FER: variants seen among roughly 807,000 people sequenced by gnomAD.
FER encodes the protein FER tyrosine kinase.
In FER, 63 loss-of-function variants were observed where a neutral mutation model predicts 111.0. The observed-to-expected ratio is 0.57, with a 90% CI of 0.46 to 0.70. The LOEUF (loss-of-function observed/expected upper bound fraction) is 0.70. FER is among the 30% of genes least tolerant of loss of function. The probability of loss-of-function intolerance (pLI) is 0.00; values close to 1 mark genes in which losing one functional copy is unlikely to be tolerated. For synonymous variants in FER, 327 were observed against 313.9 expected (o/e 1.04, Z -0.44); for missense variants, 914 against 954.0 (o/e 0.96, Z 0.55).
chr5:108,990,499 A>T (rs1178770557), intron 13 of FER, among the ~76,000 whole-genome samples: 1 of 151,872 alleles, frequency 6.6e-6, no homozygotes, highest in Non-Finnish European at 1.5e-5. Context: ...CACTTAATAC[A>T]TTTCAAAGAA....
chr5:108,938,363 T>G (rs1228221288), intron 10 of FER, among the ~76,000 whole-genome samples: 1 of 152,022 alleles, frequency 6.6e-6, no homozygotes, highest in Non-Finnish European at 1.5e-5. Flanking sequence ...AAAAGTTGTT[T>G]TAGACATAGA....
chr5:109,131,974 A>G (rs114438958), intron 17 of FER, among the ~76,000 whole-genome samples: 7,128 of 152,226 alleles, frequency 0.047, 235 homozygotes, highest in South Asian at 0.086. Context: ...AATCTCATCT[A>G]TATGTTACCC....
chr5:108,959,227 C>T lies in FER; in HGVS notation c.1536C>T (p.Asn512=), dbSNP rs1316900592. The T allele has an allele frequency of 6.2e-7, 1 of 1,611,206 alleles. No individual in the cohort carries two copies. The highest frequency in any genetic ancestry group is 1.1e-5 in the South Asian group (1 of 90,834). Residue 512 remains asparagine, a splice_region_variant and synonymous_variant, in exon 13 of 20, where the codon AAC becomes AAT. Coordinates refer to ENST00000281092, the MANE Select transcript of FER (RefSeq NM_005246.4). The stretch of plus-strand genomic sequence containing the variant: ...CTACCTTATTGTTCTCTCTCCAGAA[C>T]ATGTATCGATTCGAGGGCACTGGGT... ...RRHFIIQYVD[N]MYRFEGTGFS... is the part of the protein sequence containing the mutation.
chr5:108,809,455 C>T (rs1307124684), intron 3 of FER, among the ~76,000 whole-genome samples: 2 of 152,180 alleles, frequency 1.3e-5, no homozygotes, highest in South Asian at 2.1e-4. Flanking sequence ...CTGATGTATT[C>T]CTTCATTGCC....
chr5:108,944,897 T>C (rs566578905), intron 10 of FER, among the ~76,000 whole-genome samples: 3 of 152,330 alleles, frequency 2.0e-5, no homozygotes, highest in South Asian at 2.1e-4. Context: ...CAATATGTTA[T>C]GCTTTGTAAC....
intron 11 of FER, among the ~76,000 whole-genome samples, chr5:108,952,051 G>A (rs1469348237): frequency 6.6e-6 from 1 of 151,852 alleles, no homozygotes; most frequent in Non-Finnish European, 1.5e-5. Flanking sequence ...CAAGATCTAG[G>A]GAAAATAACT....
chr5:109,023,731 A>C (rs1350561616), intron 13 of FER, among the ~76,000 whole-genome samples: 3 of 151,452 alleles, frequency 2.0e-5, no homozygotes, highest in Admixed American at 2.0e-4. Flanking sequence ...TGTTTCACTC[A>C]CCCTATCTAG....
chr5:108,792,310 A>G (rs970275118), intron 2 of FER, among the ~76,000 whole-genome samples: 57 of 152,230 alleles, frequency 3.7e-4, no homozygotes, highest in Admixed American at 1.2e-3. Context: ...ATCTGTGAAC[A>G]TGAATATTTC....
intron 13 of FER, among the ~76,000 whole-genome samples, chr5:109,007,020 T>G (rs1202874491): frequency 6.6e-6 from 1 of 152,166 alleles, no homozygotes; most frequent in Non-Finnish European, 1.5e-5. Flanking sequence ...TATTCTGATG[T>G]TGTTCAGAGG....
intron 13 of FER, among the ~76,000 whole-genome samples, chr5:108,967,228 A>G (rs979261683): frequency 1.3e-5 from 2 of 152,184 alleles, no homozygotes; most frequent in African/African-American, 2.4e-5. Context: ...ATAAGGATAC[A>G]CTGACAATTG....
At chr5:108,930,931 G>C (rs901170662) in intron 10 of FER, among the ~76,000 whole-genome samples, 3 of 151,914 alleles carry the variant, frequency 2.0e-5, no homozygotes, top group African/African-American at 7.3e-5. Context: ...TTAGTTCTAT[G>C]AATAATTTTG....
intron 13 of FER, among the ~76,000 whole-genome samples, chr5:108,998,574 G>T (rs574949759): frequency 1.3e-5 from 2 of 152,156 alleles, no homozygotes; most frequent in Non-Finnish European, 2.9e-5. Flanking sequence ...GACTGGAGCT[G>T]TTCCTATTTG....
chr5:108,827,459 C>A (rs1318218680), intron 3 of FER, among the ~76,000 whole-genome samples: 1 of 152,110 alleles, frequency 6.6e-6, no homozygotes. Context: ...TTCTTCCATT[C>A]TTTAGTATTT....
intron 13 of FER, among the ~76,000 whole-genome samples, chr5:109,008,669 A>G (rs1012436423): frequency 5.9e-5 from 9 of 151,850 alleles, no homozygotes; most frequent in Non-Finnish European, 1.0e-4. Context: ...TTCCTCAGCC[A>G]CTCCATCCTT....
At chr5:109,036,742 T>C (rs1770459401) in intron 13 of FER, among the ~76,000 whole-genome samples, 2 of 151,988 alleles carry the variant, frequency 1.3e-5, no homozygotes, top group Non-Finnish European at 2.9e-5. Flanking sequence ...TACATTATGG[T>C]ATTGTGGGAT....
chr5:108,845,007 T>TATAC lies in FER; in HGVS notation c.481+9203_481+9204insCATA, dbSNP rs1561502635. Among the ~76,000 whole-genome samples the TATAC allele has an allele frequency of 4.6e-4, 13 of 28,168 alleles. 1 individual carries two copies. Among genetic ancestry groups the TATAC allele is most frequent in the Admixed American group, 8.7e-4 (2 of 2,288 alleles). The allele number at this position is 28,168 out of a possible 152,430, so 18.5% of individuals were successfully genotyped here. A position where few individuals can be genotyped will look rare whatever the true frequency, so the allele number is the denominator to read the frequency against. ...TGGTGTGTGTGTGTGTATATATATA[T>TATAC]ATATATATATATATATATATATATA... On this transcript the variant is annotated intron_variant, in intron 5 of 19. Transcript: ENST00000281092.
chr5:108,893,514 G>A (rs1235730650), intron 9 of FER, among the ~76,000 whole-genome samples: 1 of 151,772 alleles, frequency 6.6e-6, no homozygotes, highest in Non-Finnish European at 1.5e-5. Context: ...AGAAGTAGGA[G>A]GTCTTGGGAT....
At chr5:109,143,610 G>A (rs1165812229) in intron 17 of FER, among the ~76,000 whole-genome samples, 1 of 151,820 alleles carries the variant, frequency 6.6e-6, no homozygotes, top group Admixed American at 6.6e-5. Flanking sequence ...CTCTGTCCCC[G>A]AACCTCCTCT....
At chr5:108,972,649 T>G (rs1391783200) in intron 13 of FER, among the ~76,000 whole-genome samples, 2 of 152,212 alleles carry the variant, frequency 1.3e-5, no homozygotes, top group African/African-American at 2.4e-5. Flanking sequence ...CTCAGAGTCT[T>G]ACGTGTAATA....
Sources: allele counts gnomAD v4.1 joint callset (sites outside exome capture counted in the v4.1 genomes callset), GRCh38; gene constraint gnomAD v4.1.1; transcripts MANE v1.5; gene names NCBI Gene and HGNC (gene_info 2026-07-23, HGNC 2026-07-21).